Variants in TSNAXIP1 observed in about 807,000 individuals in gnomAD.
The protein encoded by TSNAXIP1 is translin-associated factor X-interacting protein 1.
A neutral mutation model predicts 84.8 loss-of-function variants in TSNAXIP1; 89 were observed. The observed-to-expected ratio is 1.05, with a 90% CI of 0.88 to 1.25. TSNAXIP1 has a LOEUF of 1.25. Ranked by LOEUF, TSNAXIP1 falls within the 50% of genes most tolerant of loss-of-function variation. The pLI, the probability that TSNAXIP1 is intolerant of heterozygous loss-of-function variation, is 0.00. For synonymous variants in TSNAXIP1, 347 were observed against 335.2 expected (o/e 1.04, Z -0.39); for missense variants, 874 against 887.6 (o/e 0.98, Z 0.20).
In TSNAXIP1 at chr16:67,825,901, A is replaced by G; in HGVS notation, c.985-16A>G. On this transcript the variant is annotated splice_polypyrimidine_tract_variant and intron_variant, in intron 8 of 15. Coordinates refer to ENST00000561639, the MANE Select transcript of TSNAXIP1 (RefSeq NM_001288990.3). ...TCTCACAGGTGGGGGGCCAGGGCCA[A>G]TGTCCTTGCCCACAGCTGGACACCC... 1 of 1,614,016 alleles carries G rather than the reference A, an allele frequency of 6.2e-7. No individual in the cohort carries two copies. The highest frequency in any genetic ancestry group is 8.5e-7 in the Non-Finnish European group (1 of 1,180,014).
chr16:67,823,656 G>C lies in TSNAXIP1; in HGVS notation c.418G>C (p.Glu140Gln). ...PYREIFEFFI[E>Q]DFKTYKPLLS... ...CAGAGAGATCTTTGAGTTCTTCATA[G>C]AGGACTTCAAAACGTACAAGCCATT... is the stretch of plus-strand genomic sequence containing the variant. The change falls in exon 5 of 16, where the codon GAG becomes CAG. Residue 140 changes from glutamate (E) to glutamine (Q), a missense_variant. Glu to Gln is a conservative substitution (Grantham distance 29, BLOSUM62 2). Transcript: ENST00000561639. 1.9e-6 allele frequency: 3 copies of C among 1,613,768 alleles called. No homozygotes were observed. Among genetic ancestry groups the C allele is most frequent in the East Asian group, 4.5e-5 (2 of 44,868 alleles).
intron 4 of TSNAXIP1, among the ~76,000 whole-genome samples, chr16:67,821,737 C>G (rs1002095284): frequency 1.3e-5 from 2 of 152,170 alleles, no homozygotes; most frequent in Non-Finnish European, 2.9e-5. Flanking sequence ...TGCCTGTAAT[C>G]CCAGCACTTC....
rs201305310 is a variant in TSNAXIP1, at chr16:67,825,941, G to A, written c.1009G>A (p.Glu337Lys). 36 of 1,614,000 alleles carry A rather than the reference G, an allele frequency of 2.2e-5. No individual in the cohort carries two copies. Among genetic ancestry groups the A allele is most frequent in the East Asian group, 2.2e-5 (1 of 44,868 alleles). Residue 337 changes from glutamate (E) to lysine (K), a missense_variant, in exon 9 of 16, where the codon GAG (glutamate) becomes AAG (lysine). Coordinates refer to ENST00000561639, the MANE Select transcript of TSNAXIP1 (RefSeq NM_001288990.3). Reference protein sequence around the residue: ...EQLDTLRASYEEVRKEHEILM... With the variant: ...EQLDTLRASYKEVRKEHEILM... ...GCTGGACACCCTGAGAGCCAGCTAC[G>A]AGGAGGTTCGCAAGGAGCATGAGAT... is the stretch of plus-strand genomic sequence containing the variant.
At chr16:67,815,484 T>C (rs1439668939) in intron 2 of TSNAXIP1, among the ~76,000 whole-genome samples, 1 of 151,906 alleles carries the variant, frequency 6.6e-6, no homozygotes, top group Non-Finnish European at 1.5e-5. Flanking sequence ...TATAGGCACA[T>C]GCCACCATAC....
rs1019627481 is a variant in TSNAXIP1 at position 67,825,047 on chromosome 16, C to A, written c.679-90C>A. ...TTCCTGTTCACAGTCCCTGATGGGG[C>A]CCCCCAGAACCCAGCCCACTCCCTG... On this transcript the variant is annotated intron_variant, in intron 6 of 15. Coordinates refer to ENST00000561639, the MANE Select transcript of TSNAXIP1 (RefSeq NM_001288990.3). 2.0e-6 allele frequency: 3 copies of A among 1,521,584 alleles called. No individual in the cohort carries two copies. In the Admixed American group the frequency reaches 6.4e-5, roughly 32 times the overall value. 94.3% of individuals were successfully genotyped at this position (1,521,584 alleles called of 1,614,324 possible). A position where few individuals can be genotyped will look rare whatever the true frequency, so the allele number is the denominator to read the frequency against.
chr16:67,824,309 G>A (rs1244359546), intron 5 of TSNAXIP1, among the ~76,000 whole-genome samples: 1 of 152,198 alleles, frequency 6.6e-6, no homozygotes, highest in East Asian at 1.9e-4. Flanking sequence ...AGGCTCCCCT[G>A]CCAGGCTCAG....
intron 2 of TSNAXIP1, among the ~76,000 whole-genome samples, chr16:67,819,905 G>A (rs1467183303): frequency 1.0e-4 from 15 of 146,184 alleles, no homozygotes; most frequent in Admixed American, 9.9e-4. Flanking sequence ...TGCAAACTCC[G>A]CCTCCTGGGT....
chr16:67,826,322 G>GA, intron 10 of TSNAXIP1, 40 bp downstream of exon 10: 6 of 1,586,868 alleles, frequency 3.8e-6, no homozygotes, highest in Non-Finnish European at 3.4e-6. Flanking sequence ...GCCAGAGTCA[G>GA]AACAGCCATG....
At chr16:67,809,173 TA>T (rs767252864) in intron 1 of TSNAXIP1, among the ~76,000 whole-genome samples, 174 of 5,500 alleles carry the variant, frequency 0.032, 1 homozygote, top group East Asian at 0.21. Context: ...CCCTGTCTAT[TA>T]AAAAAAAAAA....
intron 2 of TSNAXIP1, among the ~76,000 whole-genome samples, chr16:67,815,027 A>G (rs2056424545): frequency 6.6e-6 from 1 of 152,114 alleles, no homozygotes; most frequent in African/African-American, 2.4e-5. Context: ...TTAAATTAAA[A>G]AAAAAAAGAG....
rs761944830 is a variant in TSNAXIP1, at chr16:67,821,192, G to A, written c.354G>A (p.Leu118=). 4.4e-6 allele frequency: 7 copies of A among 1,609,174 alleles called. No individual in the cohort carries two copies. In the South Asian group the frequency reaches 5.5e-5, roughly 13 times the overall value. Residue 118 remains leucine, a synonymous_variant, in exon 4 of 16, where the codon CTG becomes CTA. Transcript: ENST00000561639. ...GCAAGGAGCTCCTCCTGCTGGACCTGGGCACAGATTCCACCCAGGAACTAA... is the reference window on the plus strand; with the variant it reads ...GCAAGGAGCTCCTCCTGCTGGACCTAGGCACAGATTCCACCCAGGAACTAA... ...YLRKELLLLD[L]GTDSTQELRL...
chr16:67,825,671 C>CT lies in TSNAXIP1; in HGVS notation c.820dup (p.Trp274LeufsTer13). 2.5e-6 allele frequency: 4 copies of CT among 1,610,132 alleles called. No individual in the cohort carries two copies. The highest frequency in any genetic ancestry group is 3.4e-6 in the Non-Finnish European group (4 of 1,177,120). ...GTGGGCCCCTTCCCCTGGCAGGCATCTGGGGGGAGGACCCTGTGAAGTTAA... is the reference window on the plus strand; with the variant it reads ...GTGGGCCCCTTCCCCTGGCAGGCATCTTGGGGGGAGGACCCTGTGAAGTTAA... On this transcript the variant is annotated frameshift_variant, in exon 8 of 16. Coordinates refer to ENST00000561639, the MANE Select transcript of TSNAXIP1 (RefSeq NM_001288990.3). LOFTEE classifies it high-confidence loss of function.
intron 4 of TSNAXIP1, 48 bp downstream of exon 4, chr16:67,821,273 G>T: frequency 6.3e-7 from 1 of 1,589,748 alleles, no homozygotes; most frequent in Non-Finnish European, 8.6e-7. Flanking sequence ...AGGGTGGGAA[G>T]AAGCTTCACC....
In TSNAXIP1 at chr16:67,825,766, A is replaced by G. The variant is rs773388948; in HGVS notation, c.914A>G (p.Asn305Ser). The change falls in exon 8 of 16, where the codon AAC (asparagine) becomes AGC (serine). Residue 305 changes from asparagine to serine, a missense_variant. Coordinates refer to ENST00000561639, the MANE Select transcript of TSNAXIP1 (RefSeq NM_001288990.3). ...TQMELNNMKA[N>S]FGDVVPRRDF... Reference sequence around the variant, plus strand: ...ATGGAACTCAACAACATGAAGGCCAACTTTGGAGATGTGGTCCCCAGGAGG... The same window carrying G: ...ATGGAACTCAACAACATGAAGGCCAGCTTTGGAGATGTGGTCCCCAGGAGG... 1.5e-5 allele frequency: 25 copies of G among 1,614,078 alleles called. No individual in the cohort carries two copies. The highest frequency in any genetic ancestry group is 1.3e-4 in the East Asian group (6 of 44,894).
intron 2 of TSNAXIP1, among the ~76,000 whole-genome samples, chr16:67,817,528 C>A (rs2056675787): frequency 6.7e-6 from 1 of 149,286 alleles, no homozygotes; most frequent in Non-Finnish European, 1.5e-5. Context: ...GATTTGCCCG[C>A]CTTGGCCTCC....
intron 2 of TSNAXIP1, among the ~76,000 whole-genome samples, chr16:67,815,748 C>T (rs571842944): frequency 6.6e-6 from 1 of 152,070 alleles, no homozygotes; most frequent in South Asian, 2.1e-4. Context: ...ATCCTCCTTC[C>T]TTGGCCTCCC....
In TSNAXIP1 at chr16:67,816,227, A is replaced by G. The variant is rs563291822; in HGVS notation, c.147+1826A>G. Among the ~76,000 whole-genome samples, 857 of 152,124 alleles carry G rather than the reference A, an allele frequency of 5.6e-3. 14 individuals carry two copies. The highest frequency in any genetic ancestry group is 0.02 in the African/African-American group (826 of 41,466). Reference sequence around the variant, plus strand: ...CGTGATCCGCCCGCCTCGGCCTCCCAAAGTGCTGGGATTACAGGCGTGAGC... The same window carrying G: ...CGTGATCCGCCCGCCTCGGCCTCCCGAAGTGCTGGGATTACAGGCGTGAGC... On this transcript the variant is annotated intron_variant, in intron 2 of 15. Transcript: ENST00000561639.
Position 67,824,701 on chromosome 16 carries a change from C to G in TSNAXIP1, c.600C>G (p.Ser200=), listed in dbSNP as rs1334022306. 1.2e-6 allele frequency: 2 copies of G among 1,614,024 alleles called. No homozygotes were observed. Among genetic ancestry groups the G allele is most frequent in the Admixed American group, 1.7e-5 (1 of 59,984 alleles). Residue 200 remains serine (S), a synonymous_variant, in exon 6 of 16, where the codon TCC becomes TCG. Transcript: ENST00000561639. ...GAGCTGAGGAGAAATATGAAATCTCCCTGCTCAAGAAAGAGAAGATGAACT... is the reference window on the plus strand; with the variant it reads ...GAGCTGAGGAGAAATATGAAATCTCGCTGCTCAAGAAAGAGAAGATGAACT... ...AMRAEEKYEI[S]LLKKEKMNLL...
intron 1 of TSNAXIP1, among the ~76,000 whole-genome samples, chr16:67,809,024 A>AAATAATAAT (rs1282711887): frequency 6.8e-6 from 1 of 146,670 alleles, no homozygotes; most frequent in African/African-American, 2.5e-5. Flanking sequence ...CTGTCCCTAC[A>AAATAATAAT]AATAATAATA....
Sources: allele counts gnomAD v4.1 joint callset (sites outside exome capture counted in the v4.1 genomes callset), GRCh38; gene constraint gnomAD v4.1.1; transcripts MANE v1.5; gene names NCBI Gene and HGNC (gene_info 2026-07-23, HGNC 2026-07-21).